The following MLH3 variants were observed in gnomAD, a reference collection of about 807,000 sequenced individuals.
The protein encoded by MLH3 is DNA mismatch repair protein Mlh3.
A neutral mutation model predicts 122.2 loss-of-function variants in MLH3; 82 were observed. The observed-to-expected ratio is 0.67, with a 90% confidence interval of 0.56 to 0.81. The LOEUF is 0.81. MLH3 is among the 30% of genes least tolerant of loss of function. The probability of loss-of-function intolerance (pLI) is 0.00; values close to 1 mark genes in which losing one functional copy is unlikely to be tolerated. For missense variants in MLH3, 1,539 were observed against 1,714.5 expected, an observed-to-expected ratio of 0.90 and a Z score of 1.81; for synonymous variants, 524 against 599.5, an observed-to-expected ratio of 0.87 and a Z score of 1.84.
In MLH3 at chr14:75,038,336, T is replaced by G. The variant is rs373766646; in HGVS notation, c.3643+4A>C. On this transcript the variant is annotated splice_donor_region_variant and intron_variant, in intron 6 of 12. Coordinates refer to ENST00000355774, the MANE Select transcript of MLH3 (RefSeq NM_001040108.2). ...TAATCATTCAGGCTAAACTCCATTCTTACCTGCCTCGCCATTCTCTTCAGT... is the reference window on the plus strand; with the variant it reads ...TAATCATTCAGGCTAAACTCCATTCGTACCTGCCTCGCCATTCTCTTCAGT... 3.0e-5 allele frequency: 49 copies of G among 1,610,938 alleles called. No individual in the cohort carries two copies. The highest frequency in any genetic ancestry group is 1.6e-4 in the Middle Eastern group (1 of 6,080).
rs747343161 is a variant in MLH3 at position 75,048,837 on chromosome 14, C to T, written c.819G>A (p.Arg273=). Residue 273 remains arginine, a synonymous_variant, in exon 2 of 13, where the codon AGG becomes AGA. Transcript: ENST00000355774. ...TTGGCTTGCATATAATACTTTCTTT[C>T]CTTAATAAAAAGTCAATGAGTTTAT... ...KLHKLIDFLL[R]KESIICKPKN... The T allele has an allele frequency of 5.0e-6, 8 of 1,614,102 alleles. No individual in the cohort carries two copies. In the South Asian group the frequency reaches 8.8e-5, roughly 18 times the overall value.
intron 6 of MLH3, 55 bp from the exon 7 acceptor site, chr14:75,033,545 T>C: frequency 6.5e-6 from 9 of 1,380,122 alleles, no homozygotes; most frequent in Admixed American, 3.4e-5. Context: ...ACAACCATCA[T>C]GTGTGTTGAG....
intron 11 of MLH3, 57 bp downstream of exon 11, chr14:75,022,757 C>G (rs996486108): frequency 1.3e-6 from 2 of 1,486,340 alleles, no homozygotes. Context: ...ATCCCGGCAG[C>G]CCTGCCAGGG....
intron 6 of MLH3, among the ~76,000 whole-genome samples, chr14:75,034,327 A>G (rs898603734): frequency 2.0e-5 from 3 of 152,352 alleles, no homozygotes; most frequent in East Asian, 3.9e-4. Context: ...ACACATTGTT[A>G]TAATCAGCTA....
rs1464263980 is a variant in MLH3 at position 75,013,803 on chromosome 14, A to G, written c.*3279T>C. 4.5e-6 allele frequency: 1 copy of G among 224,208 alleles called. No individual in the cohort carries two copies. The highest frequency in any genetic ancestry group is 6.4e-5 in the East Asian group (1 of 15,512). The allele number at this position is 224,208 out of a possible 1,614,324, so 13.9% of individuals were successfully genotyped here. A position where few individuals can be genotyped will look rare whatever the true frequency, so the allele number is the denominator to read the frequency against. Reference sequence around the variant, plus strand: ...GGAAGGAAGGGTTTATTTGATGCAGATTCTTCAGCATTTTGTTTTCACAGA... The same window carrying G: ...GGAAGGAAGGGTTTATTTGATGCAGGTTCTTCAGCATTTTGTTTTCACAGA... On this transcript the variant is annotated 3_prime_UTR_variant, in exon 13 of 13. Transcript: ENST00000355774.
chr14:75,022,757 C>T (rs996486108), intron 11 of MLH3, 57 bp downstream of exon 11: 9 of 1,486,220 alleles, frequency 6.1e-6, no homozygotes, highest in East Asian at 4.5e-5. Flanking sequence ...ATCCCGGCAG[C>T]CCTGCCAGGG....
At chr14:75,028,565 A>G (rs1182080815) in intron 9 of MLH3, among the ~76,000 whole-genome samples, 1 of 151,676 alleles carries the variant, frequency 6.6e-6, no homozygotes, top group Non-Finnish European at 1.5e-5. Context: ...TTACAGGCAC[A>G]TACCATCATG....
rs201071230 is a variant in MLH3 at position 75,048,224 on chromosome 14, C to T, written c.1432G>A (p.Ala478Thr). ...TTCTCATTTTCTCCAGCTTCTGATG[C>T]TACAATTGTCTCTTGTTCTAACATC... ...SKMLEQETIV[A>T]SEAGENEKHK... The change falls in exon 2 of 13, where the codon GCA (alanine) becomes ACA (threonine). Residue 478 changes from alanine (A) to threonine (T), a missense_variant. Ala to Thr is a moderately conservative substitution (Grantham distance 58). Transcript: ENST00000355774. 13 of 1,613,654 alleles carry T rather than the reference C, an allele frequency of 8.1e-6. No homozygotes were observed. The East Asian group carries it at 2.9e-4, about 36-fold the overall frequency.
At chr14:75,040,273 C>A (rs1181656563) in intron 4 of MLH3, among the ~76,000 whole-genome samples, 1 of 151,100 alleles carries the variant, frequency 6.6e-6, no homozygotes, top group African/African-American at 2.4e-5. Flanking sequence ...CATGGTGAAA[C>A]CCCATCTCTA....
chr14:75,036,377 G>A (rs1193140084), intron 6 of MLH3, among the ~76,000 whole-genome samples: 2 of 146,072 alleles, frequency 1.4e-5, no homozygotes, highest in African/African-American at 2.5e-5. Context: ...ACAGAGTTTC[G>A]CTCTGTCACC....
intron 6 of MLH3, among the ~76,000 whole-genome samples, chr14:75,034,611 CT>C (rs928913181): frequency 4.0e-5 from 6 of 151,492 alleles, no homozygotes; most frequent in Admixed American, 2.6e-4. Flanking sequence ...AAATAGTCTT[CT>C]TTTTTTTTCC....
intron 9 of MLH3, among the ~76,000 whole-genome samples, chr14:75,029,996 A>G (rs175068): frequency 0.4 from 59,582 of 150,514 alleles, 12,333 homozygotes; most frequent in Middle Eastern, 0.51. Context: ...AAAAAAAAAA[A>G]GGAAAAAATT....
At chr14:75,035,062 CAAAAAAAAAAAAAA>C (rs36096670) in intron 6 of MLH3, among the ~76,000 whole-genome samples, 22 of 40,254 alleles carry the variant, frequency 5.5e-4, no homozygotes, top group East Asian at 2.3e-3. Flanking sequence ...GACTCCATCT[CAAAAAAAAAAAAAA>C]AAAAAAAAAA....
At chr14:75,031,330 G>C (rs889163029) in intron 8 of MLH3, among the ~76,000 whole-genome samples, 7 of 152,122 alleles carry the variant, frequency 4.6e-5, no homozygotes, top group African/African-American at 1.4e-4. Flanking sequence ...TTATGATTAC[G>C]ATAATGAAAA....
At chr14:75,027,699 A>G (rs1474146131) in intron 9 of MLH3, among the ~76,000 whole-genome samples, 1 of 147,380 alleles carries the variant, frequency 6.8e-6, no homozygotes, top group African/African-American at 2.5e-5. Flanking sequence ...AAAAAACCCA[A>G]AAGAACACAG....
In MLH3 at chr14:75,018,772, GA is replaced by G; in HGVS notation, c.4242+56del. On this transcript the variant is annotated intron_variant, in intron 12 of 12. Coordinates refer to ENST00000355774, the MANE Select transcript of MLH3 (RefSeq NM_001040108.2). ...GATTACAGTTGCATAGTAAAAGCCA[GA>G]AAAGAAAGAGAAAATAAACTTTGCT... 5.0e-6 allele frequency: 8 copies of G among 1,589,924 alleles called. No homozygotes were observed. In the South Asian group the frequency reaches 8.8e-5, roughly 18 times the overall value.
chr14:75,043,476 G>A (rs1892009831), intron 2 of MLH3, among the ~76,000 whole-genome samples: 1 of 152,208 alleles, frequency 6.6e-6, no homozygotes, highest in African/African-American at 2.4e-5. Context: ...GTAGACAAAT[G>A]AAAGGTTCTC....
In MLH3 at chr14:75,014,795, C is replaced by T. The variant is rs1407120511; in HGVS notation, c.*2287G>A. The T allele has an allele frequency of 5.3e-6, 1 of 187,286 alleles. No individual in the cohort carries two copies. 11.6% of individuals were successfully genotyped at this position (187,286 alleles called of 1,614,324 possible). A position where few individuals can be genotyped will look rare whatever the true frequency, so the allele number is the denominator to read the frequency against. ...CACCAAGTTTATAAATGAATGAATT[C>T]CTAATAAATTAAAAATATAAGGGAT... On this transcript the variant is annotated 3_prime_UTR_variant, in exon 13 of 13. Transcript: ENST00000355774.
chr14:75,020,752 C>A (rs948582590), intron 11 of MLH3: 2 of 152,136 alleles, frequency 1.3e-5, no homozygotes, highest in Non-Finnish European at 2.9e-5. Context: ...TGCTCAAGAA[C>A]CCTCAATGGT....
Sources: allele counts gnomAD v4.1 joint callset (sites outside exome capture counted in the v4.1 genomes callset), GRCh38; gene constraint gnomAD v4.1.1; transcripts MANE v1.5; gene names NCBI Gene and HGNC (gene_info 2026-07-23, HGNC 2026-07-21).